Variants in SDF4 observed in about 807,000 individuals in gnomAD.
SDF4 encodes 45 kDa calcium-binding protein.
Under a neutral mutation model 34.2 loss-of-function variants are expected in SDF4, and 22 were observed. The observed-to-expected ratio is 0.64, with a 90% confidence interval of 0.46 to 0.92. The LOEUF (loss-of-function observed/expected upper bound fraction) is 0.92, where lower values mean the gene tolerates loss of function less well. Ranked by LOEUF, SDF4 falls within the 40% of genes least tolerant of loss-of-function variation. The probability of loss-of-function intolerance (pLI) is 0.00; values close to 1 mark genes in which losing one functional copy is unlikely to be tolerated. For missense variants in SDF4, 447 were observed against 499.9 expected (o/e 0.89, Z 1.01); for synonymous variants, 236 against 203.1 (o/e 1.16, Z -1.38).
At chr1:1,227,957 C>A (rs1387709166) in intron 2 of SDF4, among the ~76,000 whole-genome samples, 3 of 152,210 alleles carry the variant, frequency 2.0e-5, no homozygotes, top group Non-Finnish European at 4.4e-5. Flanking sequence ...ACCCCACACA[C>A]CCCCAGCCTG....
Position 1,217,745 on chromosome 1 carries a change from C to A in SDF4, c.892-57G>T. 6.2e-7 allele frequency: 1 copy of A among 1,609,122 alleles called. No individual in the cohort carries two copies. On this transcript the variant is annotated intron_variant, in intron 6 of 6. Coordinates refer to ENST00000360001, the MANE Select transcript of SDF4 (RefSeq NM_016176.6). The surrounding 1 kb of genome is among the most constrained non-coding windows in gnomAD (Gnocchi z 8.5). ...CCTTTCCCCCTCCGAGCTCCGCGGC[C>A]AGCCGCACGAAGTGGCTATTTAAGG...
chr1:1,231,106 T>A lies in SDF4; in HGVS notation c.-175+786A>T, dbSNP rs117137198. 1.2e-4 allele frequency among the ~76,000 whole-genome samples: 19 copies of A among 152,202 alleles called. No homozygotes were observed. The East Asian group carries it at 2.7e-3, about 22-fold the overall frequency. ...AGACCCTGTCTCGAAAAAGGGGGAA[T>A]AAAAAGTAACCCAAAAGTAACTATA... On this transcript the variant is annotated intron_variant, in intron 1 of 6. Coordinates refer to ENST00000360001, the MANE Select transcript of SDF4 (RefSeq NM_016176.6).
chr1:1,221,398 AAT>A (rs1570479305), intron 4 of SDF4: 1 of 152,892 alleles, frequency 6.5e-6, no homozygotes, highest in African/African-American at 2.4e-5. Flanking sequence ...GTGTCTACAA[AAT>A]ATATGTTTTT....
At chr1:1,227,089 CCA>C (rs1451698299) in intron 2 of SDF4, among the ~76,000 whole-genome samples, 4 of 152,248 alleles carry the variant, frequency 2.6e-5, no homozygotes, top group Admixed American at 1.3e-4. Flanking sequence ...CTCCGTCCCA[CCA>C]GCTCACCTGT....
rs368685340 is a variant in SDF4 at position 1,217,748 on chromosome 1, C to T, written c.892-60G>A. On this transcript the variant is annotated intron_variant, in intron 6 of 6. Transcript: ENST00000360001. The surrounding 1 kb of genome is among the most constrained non-coding windows in gnomAD (Gnocchi z 8.5). ...TTCCCCCTCCGAGCTCCGCGGCCAG[C>T]CGCACGAAGTGGCTATTTAAGGTGC... The T allele has an allele frequency of 1.6e-5, 25 of 1,607,992 alleles. No individual in the cohort carries two copies. The highest frequency in any genetic ancestry group is 2.0e-5 in the Non-Finnish European group (23 of 1,177,804).
Position 1,218,754 on chromosome 1 carries a change from T to G in SDF4, c.715+15A>C. On this transcript the variant is annotated intron_variant, in intron 5 of 6. Transcript: ENST00000360001. The surrounding 1 kb of genome is among the most constrained non-coding windows in gnomAD (Gnocchi z 7.9). ...CTGGGTCCTGGCGTGCCGGCCAGGC[T>G]GGACCCAGCCTCACCCAGGTCCCGG... The G allele has an allele frequency of 6.2e-7, 1 of 1,612,520 alleles. No homozygotes were observed. The highest frequency in any genetic ancestry group is 8.5e-7 in the Non-Finnish European group (1 of 1,179,324).
chr1:1,225,969 C>T (rs1003864606), intron 2 of SDF4, among the ~76,000 whole-genome samples: 1 of 152,274 alleles, frequency 6.6e-6, no homozygotes, highest in African/African-American at 2.4e-5. Flanking sequence ...CGCAAGTGCA[C>T]AGGCCGGTAC....
At chr1:1,223,082 C>T (rs942725404) in intron 4 of SDF4, 162 bp downstream of exon 4, 19 of 624,202 alleles carry the variant, frequency 3.0e-5, no homozygotes, top group South Asian at 1.1e-4. Context: ...CTCACGAGCA[C>T]GCGCACAGCA....
intron 2 of SDF4, among the ~76,000 whole-genome samples, chr1:1,227,998 AC>A (rs1163371622): frequency 6.6e-6 from 1 of 152,138 alleles, no homozygotes; most frequent in Non-Finnish European, 1.5e-5. Context: ...TGTGACAGGG[AC>A]CCCAAACACA....
intron 4 of SDF4, chr1:1,220,244 G>C: frequency 9.7e-7 from 1 of 1,030,106 alleles, no homozygotes; most frequent in Non-Finnish European, 1.2e-6. Flanking sequence ...TCCTGGATCA[G>C]GGAGAGTCAA....
Position 1,217,364 on chromosome 1 carries a change from G to A in SDF4, c.*148C>T, listed in dbSNP as rs1409796712. 5 of 565,526 alleles carry A rather than the reference G, an allele frequency of 8.8e-6. No individual in the cohort carries two copies. Among genetic ancestry groups the A allele is most frequent in the South Asian group, 8.8e-5 (2 of 22,786 alleles). The allele number at this position is 565,526 out of a possible 1,614,324, so 35.0% of individuals were successfully genotyped here. ...GGGGTGCGCGCTGCAGAGGGGACAC[G>A]CCGCTCATCAACTGGGGCAGCCGCG... On this transcript the variant is annotated 3_prime_UTR_variant, in exon 7 of 7. Coordinates refer to ENST00000360001, the MANE Select transcript of SDF4 (RefSeq NM_016176.6). The surrounding 1 kb of genome is among the most constrained non-coding windows in gnomAD (Gnocchi z 8.5).
intron 1 of SDF4, among the ~76,000 whole-genome samples, chr1:1,230,923 CAA>C (rs1301465354): frequency 1.3e-5 from 2 of 152,226 alleles, no homozygotes; most frequent in Non-Finnish European, 2.9e-5. Context: ...ACGCTGTGTG[CAA>C]AGAGACTGTA....
intron 4 of SDF4, chr1:1,219,203 A>ACC (rs573538759): frequency 0.015 from 17,639 of 1,192,632 alleles, 62 homozygotes; most frequent in East Asian, 0.056. Flanking sequence ...GACAGCCTGG[A>ACC]CCCCCCCCTG....
chr1:1,220,213 G>C, intron 4 of SDF4: 1 of 994,756 alleles, frequency 1.0e-6, no homozygotes, highest in Non-Finnish European at 1.2e-6. Context: ...TCTGCTGTTA[G>C]GGAAGGATCT....
At chr1:1,223,169 C>T (rs1266171541) in intron 4 of SDF4, 75 bp downstream of exon 4, 2 of 1,017,372 alleles carry the variant, frequency 2.0e-6, no homozygotes, top group South Asian at 2.6e-5. Flanking sequence ...ACACGGCACA[C>T]TCATGTACAC....
intron 4 of SDF4, chr1:1,220,073 A>T (rs1570477037): frequency 2.0e-6 from 2 of 986,294 alleles, no homozygotes; most frequent in Non-Finnish European, 2.4e-6. Context: ...AGAGGCACAG[A>T]CGCCCCAGAC....
intron 4 of SDF4, among the ~76,000 whole-genome samples, chr1:1,221,905 G>A (rs1334114476): frequency 1.3e-5 from 2 of 152,348 alleles, no homozygotes; most frequent in South Asian, 2.1e-4. Context: ...AGCCGAGACT[G>A]CACCACTGCA....
intron 4 of SDF4, among the ~76,000 whole-genome samples, chr1:1,223,012 CAT>C (rs1181223225): frequency 1.3e-5 from 2 of 152,124 alleles, no homozygotes; most frequent in African/African-American, 4.8e-5. Flanking sequence ...ACACGACACG[CAT>C]ACACATGTAC....
rs376106715 is a variant in SDF4 at position 1,222,765 on chromosome 1, G to A, written c.556+479C>T. Among the ~76,000 whole-genome samples the A allele has an allele frequency of 4.6e-5, 7 of 152,350 alleles. No homozygotes were observed. The South Asian group carries it at 1.0e-3, about 23-fold the overall frequency. The stretch of plus-strand genomic sequence containing the variant: ...CACGCTCCCCACCGGACTCCTGGGC[G>A]GCGCCTAGGTCAGCAACGGCTTCAC... On this transcript the variant is annotated intron_variant, in intron 4 of 6. Coordinates refer to ENST00000360001, the MANE Select transcript of SDF4 (RefSeq NM_016176.6).
Sources: allele counts gnomAD v4.1 joint callset (sites outside exome capture counted in the v4.1 genomes callset), GRCh38; gene constraint gnomAD v4.1.1; non-coding constraint Gnocchi (gnomAD v3.1); transcripts MANE v1.5; gene names NCBI Gene and HGNC (gene_info 2026-07-23, HGNC 2026-07-21).